GLI3: variants seen among roughly 807,000 people sequenced by gnomAD.
GLI3 encodes the protein GLI family zinc finger 3, also known as transcription activator GLI3.
A neutral mutation model predicts 100.8 loss-of-function variants in GLI3; 20 were observed. The observed-to-expected ratio is 0.20, with a 90% CI of 0.14 to 0.29. The LOEUF (loss-of-function observed/expected upper bound fraction) is 0.29, where lower values mean the gene tolerates loss of function less well. Among genes scored for constraint, GLI3 ranks in the 10% least tolerant of loss-of-function variants. The probability of loss-of-function intolerance (pLI) is 1.00; values close to 1 mark genes in which losing one functional copy is unlikely to be tolerated. For synonymous variants in GLI3, 938 were observed against 860.5 expected (o/e 1.09, Z -1.58); for missense variants, 2,040 against 2,128.5 (o/e 0.96, Z 0.82).
rs2128706939 is a variant in GLI3 at position 41,967,682 on chromosome 7, C to T, written c.2345G>A (p.Arg782Lys). Reference sequence around the variant, plus strand: ...AAACATTCCATTCACTTGTTTTAGCCTTTCTAGTTTTACGTGCTCCATCCA... The same window carrying T: ...AAACATTCCATTCACTTGTTTTAGCTTTTCTAGTTTTACGTGCTCCATCCA... The part of the protein sequence containing the change: ...TKWMEHVKLE[R>K]LKQVNGMFPR... Residue 782 changes from arginine to lysine, a missense_variant, in exon 14 of 15, where the codon AGG becomes AAG. Transcript: ENST00000395925. The T allele has an allele frequency of 6.2e-7, 1 of 1,614,184 alleles. No individual in the cohort carries two copies. Among genetic ancestry groups the T allele is most frequent in the South Asian group, 1.1e-5 (1 of 91,086 alleles).
chr7:41,984,245 G>A (rs1008336556), intron 10 of GLI3, among the ~76,000 whole-genome samples: 4 of 152,164 alleles, frequency 2.6e-5, no homozygotes, highest in Non-Finnish European at 5.9e-5. Context: ...TTCTCACTTT[G>A]TTATTTCACT....
intron 13 of GLI3, among the ~76,000 whole-genome samples, chr7:41,968,727 A>AGAAAGAAAGAAAGAAAGAAG (rs1787267828): frequency 8.7e-6 from 1 of 115,562 alleles, no homozygotes; most frequent in East Asian, 2.1e-4. Context: ...AAAGAAAGAA[A>AGAAAGAAAGAAAGAAAGAAG]GAAAGAAAGA....
At chr7:41,979,724 T>C (rs1198711837) in intron 10 of GLI3, among the ~76,000 whole-genome samples, 1 of 152,208 alleles carries the variant, frequency 6.6e-6, no homozygotes, top group African/African-American at 2.4e-5. Flanking sequence ...TTTCTGGTGA[T>C]TCTACATTTT....
In GLI3 at chr7:42,156,380, G is replaced by C. The variant is rs183630403; in HGVS notation, c.125-7912C>G. Among the ~76,000 whole-genome samples the C allele has an allele frequency of 2.7e-3, 411 of 152,150 alleles. 1 individual carries two copies. Among genetic ancestry groups the C allele is most frequent in the Non-Finnish European group, 4.2e-3 (286 of 68,006 alleles). On this transcript the variant is annotated intron_variant, in intron 2 of 14. Transcript: ENST00000395925. ...AGGCAGTACAATAAATTCCCTGGAGGGTCAAAAATTTTGCCTTTTGCTTGG... is the reference window on the plus strand; with the variant it reads ...AGGCAGTACAATAAATTCCCTGGAGCGTCAAAAATTTTGCCTTTTGCTTGG...
At chr7:42,118,267 T>C (rs1288801095) in intron 3 of GLI3, 1 of 398,632 alleles carries the variant, frequency 2.5e-6, no homozygotes, top group Admixed American at 4.4e-5. Context: ...CAGCGTTGAG[T>C]TCAGAGTCCT....
chr7:41,987,759 C>T (rs1031292300), intron 10 of GLI3, among the ~76,000 whole-genome samples: 1 of 152,180 alleles, frequency 6.6e-6, no homozygotes, highest in Admixed American at 6.5e-5. Context: ...ACTAAAGATG[C>T]TTGAAAAATT....
At chr7:42,243,667 G>A (rs933155387) in intron 1 of GLI3, among the ~76,000 whole-genome samples, 5 of 152,142 alleles carry the variant, frequency 3.3e-5, no homozygotes, top group African/African-American at 1.2e-4. Context: ...TAGATGCCAA[G>A]GAAAGCAAGT....
intron 3 of GLI3, chr7:42,113,338 C>A: frequency 1.6e-6 from 1 of 637,010 alleles, no homozygotes; most frequent in Non-Finnish European, 2.9e-6. Flanking sequence ...TGCCCAGCAC[C>A]TACGTCCCGT....
At chr7:42,020,429 T>C (rs1788903415) in intron 10 of GLI3, among the ~76,000 whole-genome samples, 1 of 152,196 alleles carries the variant, frequency 6.6e-6, no homozygotes, top group Admixed American at 6.5e-5. Context: ...CAATTATAGA[T>C]AGTGACTTGC....
intron 10 of GLI3, among the ~76,000 whole-genome samples, chr7:41,999,026 G>A (rs1488156639): frequency 6.6e-6 from 1 of 152,214 alleles, no homozygotes; most frequent in Non-Finnish European, 1.5e-5. Context: ...CAAGTGACTT[G>A]AGAAGTTGGA....
chr7:42,131,776 ACT>A (rs1786282733), intron 3 of GLI3, among the ~76,000 whole-genome samples: 1 of 152,170 alleles, frequency 6.6e-6, no homozygotes, highest in Non-Finnish European at 1.5e-5. Context: ...AGCTTACAAC[ACT>A]CTTTAAAGTT....
chr7:42,118,419 T>G (rs879702685), intron 3 of GLI3: 1 of 397,680 alleles, frequency 2.5e-6, no homozygotes, highest in Non-Finnish European at 4.4e-6. Flanking sequence ...GGCAGTGCCA[T>G]GACTCAAAAT....
At chr7:42,016,196 T>A (rs1788755402) in intron 10 of GLI3, among the ~76,000 whole-genome samples, 1 of 152,066 alleles carries the variant, frequency 6.6e-6, no homozygotes, top group Admixed American at 6.5e-5. Context: ...CGAAGAAAAT[T>A]TCCAGAAGGA....
At chr7:42,252,871 T>A (rs1274408796) in intron 1 of GLI3, among the ~76,000 whole-genome samples, 1 of 152,188 alleles carries the variant, frequency 6.6e-6, no homozygotes, top group East Asian at 1.9e-4. Flanking sequence ...ATAGTCACCA[T>A]CAATGAGAAA....
At chr7:42,147,580 T>C (rs1306102817) in intron 3 of GLI3, among the ~76,000 whole-genome samples, 2 of 152,226 alleles carry the variant, frequency 1.3e-5, no homozygotes, top group Non-Finnish European at 2.9e-5. Context: ...CTTTATATTC[T>C]GCCGTTGGAG....
chr7:42,059,781 T>C (rs1784531970), intron 4 of GLI3, among the ~76,000 whole-genome samples: 1 of 152,246 alleles, frequency 6.6e-6, no homozygotes, highest in Non-Finnish European at 1.5e-5. Context: ...ACAGATGCTG[T>C]CCTTTCCTCT....
At chr7:42,256,623 T>A (rs1245176984) in intron 1 of GLI3, among the ~76,000 whole-genome samples, 2 of 152,198 alleles carry the variant, frequency 1.3e-5, no homozygotes, top group Non-Finnish European at 2.9e-5. Context: ...GACTATCAAG[T>A]GTATTCCATT....
Position 42,190,379 on chromosome 7 carries a change from G to A in GLI3, c.124+32751C>T, listed in dbSNP as rs145618710. 6.5e-3 allele frequency among the ~76,000 whole-genome samples: 994 copies of A among 152,232 alleles called. 14 individuals carry two copies. The highest frequency in any genetic ancestry group is 0.023 in the African/African-American group (949 of 41,516). On this transcript the variant is annotated intron_variant, in intron 2 of 14. Coordinates refer to ENST00000395925, the MANE Select transcript of GLI3 (RefSeq NM_000168.6). ...TACAAGCACAAACTGAAAATGGGGTGTAAACATAGACAGGAAAGAGTTGTT... is the reference window on the plus strand; with the variant it reads ...TACAAGCACAAACTGAAAATGGGGTATAAACATAGACAGGAAAGAGTTGTT...
At chr7:42,121,761 A>G (rs1744574525) in intron 3 of GLI3, among the ~76,000 whole-genome samples, 1 of 152,210 alleles carries the variant, frequency 6.6e-6, no homozygotes, top group Non-Finnish European at 1.5e-5. Flanking sequence ...CCACCTAAGC[A>G]GTAGGCACCC....
Sources: gnomAD v4.1 joint callset for allele counts (sites outside exome capture counted in the v4.1 genomes callset) on GRCh38, gnomAD v4.1.1 for gene constraint, MANE v1.5 for transcripts, NCBI Gene and HGNC (gene_info 2026-07-23, HGNC 2026-07-21) for gene names.